PTPRM: variants seen among roughly 807,000 people sequenced by gnomAD.
PTPRM encodes protein tyrosine phosphatase receptor type M.
Under a neutral mutation model 186.7 loss-of-function variants are expected in PTPRM, and 47 were observed. The observed-to-expected ratio is 0.25, with a 90% CI of 0.20 to 0.32. The LOEUF (loss-of-function observed/expected upper bound fraction) is 0.32. Ranked by LOEUF, PTPRM falls within the 10% of genes least tolerant of loss-of-function variation. The pLI is 1.00. For missense variants in PTPRM, 1,494 were observed against 1,865.0 expected, an observed-to-expected ratio of 0.80 and a Z score of 3.66; for synonymous variants, 668 against 674.9, an observed-to-expected ratio of 0.99 and a Z score of 0.16.
intron 14 of PTPRM, among the ~76,000 whole-genome samples, chr18:8,209,947 C>T (rs1288665606): frequency 7.1e-6 from 1 of 140,006 alleles, no homozygotes; most frequent in Non-Finnish European, 1.5e-5. Flanking sequence ...GTGTAACAAA[C>T]CTGCACTTTC....
At chr18:7,807,768 G>A (rs567739861) in intron 2 of PTPRM, among the ~76,000 whole-genome samples, 4 of 152,172 alleles carry the variant, frequency 2.6e-5, no homozygotes, top group Admixed American at 6.5e-5. Context: ...TATTGCTGAC[G>A]TTTATGTGGT....
At chr18:8,333,057 C>T (rs968938366) in intron 22 of PTPRM, among the ~76,000 whole-genome samples, 2 of 152,118 alleles carry the variant, frequency 1.3e-5, no homozygotes, top group Non-Finnish European at 2.9e-5. Context: ...GCCGAGTTTT[C>T]CCCATCATAG....
intron 2 of PTPRM, among the ~76,000 whole-genome samples, chr18:7,802,890 GT>G (rs1334670900): frequency 4.6e-5 from 7 of 152,174 alleles, no homozygotes; most frequent in African/African-American, 1.7e-4. Flanking sequence ...GGAAGTTACA[GT>G]TTACTGGGGA....
At chr18:7,947,455 A>T (rs1000321685) in intron 5 of PTPRM, among the ~76,000 whole-genome samples, 2 of 150,728 alleles carry the variant, frequency 1.3e-5, no homozygotes, top group Non-Finnish European at 2.9e-5. Context: ...AGGACTTTGC[A>T]TAGTATAAAT....
rs2037202967 is a variant in PTPRM at position 7,594,432 on chromosome 18, A to G, written c.73+26541A>G. Among the ~76,000 whole-genome samples the G allele has an allele frequency of 2.0e-5, 3 of 152,018 alleles. No individual in the cohort carries two copies. The South Asian group carries it at 6.2e-4, about 32-fold the overall frequency. On this transcript the variant is annotated intron_variant, in intron 1 of 32. Coordinates refer to ENST00000580170, the MANE Select transcript of PTPRM (RefSeq NM_001105244.2). ...GAGGCAGAGGTTGCATTGAGCCGAG[A>G]TTGTGCCATTGCACTCTAGCCCAGG... is the stretch of plus-strand genomic sequence containing the variant.
chr18:8,054,298 AATATAT>A lies in PTPRM; in HGVS notation c.1133-15369_1133-15364del, dbSNP rs34903203. Among the ~76,000 whole-genome samples, 190 of 131,694 alleles carry A rather than the reference AATATAT, an allele frequency of 1.4e-3. 9 individuals are homozygous for A. The highest frequency in any genetic ancestry group is 5.7e-3 in the African/African-American group (176 of 30,796). 86.4% of individuals were successfully genotyped at this position (131,694 alleles called of 152,430 possible). ...AGTAGTAATATATACTAGTAGTAGT[AATATAT>A]ATATATATATATATATATTACTACT... On this transcript the variant is annotated intron_variant, in intron 7 of 32. Transcript: ENST00000580170.
At chr18:7,690,097 A>G (rs546322370) in intron 1 of PTPRM, among the ~76,000 whole-genome samples, 11 of 152,342 alleles carry the variant, frequency 7.2e-5, no homozygotes, top group African/African-American at 1.7e-4. Flanking sequence ...ACAGAAATCA[A>G]TCTCATTCAG....
At chr18:8,327,843 G>A (rs2095387403) in intron 22 of PTPRM, among the ~76,000 whole-genome samples, 1 of 152,146 alleles carries the variant, frequency 6.6e-6, no homozygotes, top group South Asian at 2.1e-4. Flanking sequence ...GACCCTGTTT[G>A]TGTAACCCCT....
intron 2 of PTPRM, among the ~76,000 whole-genome samples, chr18:7,856,430 C>A (rs1321200097): frequency 6.6e-6 from 1 of 152,124 alleles, no homozygotes; most frequent in African/African-American, 2.4e-5. Flanking sequence ...TTTATTGATA[C>A]CCACATTAGA....
At chr18:7,925,836 T>A (rs574015000) in intron 4 of PTPRM, among the ~76,000 whole-genome samples, 1 of 152,350 alleles carries the variant, frequency 6.6e-6, no homozygotes, top group South Asian at 2.1e-4. Flanking sequence ...GTTTTCAGTG[T>A]GATGCAGAAA....
chr18:8,306,854 T>G (rs764395177), intron 20 of PTPRM, among the ~76,000 whole-genome samples: 1 of 152,220 alleles, frequency 6.6e-6, no homozygotes, highest in African/African-American at 2.4e-5. Flanking sequence ...TGTGAGGCAT[T>G]TCCTCATAAA....
rs548824170 is a variant in PTPRM at position 7,824,405 on chromosome 18, G to A, written c.196+50134G>A. 4.6e-5 allele frequency among the ~76,000 whole-genome samples: 7 copies of A among 152,216 alleles called. No individual in the cohort carries two copies. The East Asian group carries it at 9.7e-4, about 21-fold the overall frequency. Reference sequence around the variant, plus strand: ...CCAGGCAGCCCAAGAGCAGGTGGACGTGGTGATGTGGTTGGATTTTCCTGT... The same window carrying A: ...CCAGGCAGCCCAAGAGCAGGTGGACATGGTGATGTGGTTGGATTTTCCTGT... On this transcript the variant is annotated intron_variant, in intron 2 of 32. Coordinates refer to ENST00000580170, the MANE Select transcript of PTPRM (RefSeq NM_001105244.2).
At chr18:7,976,497 T>C (rs1387061178) in intron 7 of PTPRM, among the ~76,000 whole-genome samples, 1 of 152,220 alleles carries the variant, frequency 6.6e-6, no homozygotes, top group African/African-American at 2.4e-5. Flanking sequence ...GTGTTGATAA[T>C]GTGGGAGGCT....
At chr18:8,269,762 G>C (rs1260377435) in intron 19 of PTPRM, among the ~76,000 whole-genome samples, 1 of 151,930 alleles carries the variant, frequency 6.6e-6, no homozygotes, top group Non-Finnish European at 1.5e-5. Context: ...TTTTACAAGA[G>C]TGCCAAGAAT....
intron 23 of PTPRM, among the ~76,000 whole-genome samples, chr18:8,353,469 G>T (rs1476187082): frequency 6.6e-6 from 1 of 152,186 alleles, no homozygotes; most frequent in Non-Finnish European, 1.5e-5. Flanking sequence ...GATGATGTGG[G>T]CTTGAGTTTG....
intron 2 of PTPRM, among the ~76,000 whole-genome samples, chr18:7,853,856 A>G (rs779424168): frequency 3.3e-5 from 5 of 152,158 alleles, no homozygotes; most frequent in Admixed American, 6.5e-5. Context: ...TTGAACTTCA[A>G]TGAAAACTGA....
At chr18:8,051,148 T>C (rs2087468198) in intron 7 of PTPRM, among the ~76,000 whole-genome samples, 2 of 152,198 alleles carry the variant, frequency 1.3e-5, no homozygotes, top group Admixed American at 1.3e-4. Flanking sequence ...TAATGACGTA[T>C]GATCTTGCTT....
chr18:7,919,061 G>A (rs2050716590), intron 4 of PTPRM, among the ~76,000 whole-genome samples: 1 of 152,006 alleles, frequency 6.6e-6, no homozygotes, highest in Non-Finnish European at 1.5e-5. Context: ...TCCTTTCTTC[G>A]TTGTATACTC....
intron 19 of PTPRM, among the ~76,000 whole-genome samples, chr18:8,281,247 C>T (rs530993528): frequency 6.6e-6 from 1 of 152,344 alleles, no homozygotes; most frequent in African/African-American, 2.4e-5. Flanking sequence ...CTTGCTCCTT[C>T]TCAGCCTTTC....
Sources: allele counts gnomAD v4.1 joint callset (sites outside exome capture counted in the v4.1 genomes callset), GRCh38; gene constraint gnomAD v4.1.1; transcripts MANE v1.5; gene names NCBI Gene and HGNC (gene_info 2026-07-23, HGNC 2026-07-21).